PARD3B: variants seen among roughly 807,000 people sequenced by gnomAD.
PARD3B encodes the protein partitioning defective 3 homolog B.
In PARD3B, 103 loss-of-function variants were observed where a neutral mutation model predicts 130.2. The ratio of observed to expected loss-of-function variants is 0.79; its 90% CI spans 0.67 to 0.93. The LOEUF is 0.93. PARD3B is among the 40% of genes least tolerant of loss of function. The pLI is 0.00. For synonymous variants in PARD3B, 583 were observed against 553.2 expected (o/e 1.05, Z -0.76); for missense variants, 1,609 against 1,499.2 (o/e 1.07, Z -1.21).
intron 3 of PARD3B, among the ~76,000 whole-genome samples, chr2:204,979,954 C>A (rs1305405397): frequency 6.6e-6 from 1 of 151,998 alleles, no homozygotes; most frequent in Admixed American, 6.6e-5. Flanking sequence ...AAACAGAACA[C>A]AAAAAGTGAT....
intron 18 of PARD3B, among the ~76,000 whole-genome samples, chr2:205,302,817 G>T (rs1348138917): frequency 6.6e-6 from 1 of 152,010 alleles, no homozygotes; most frequent in South Asian, 2.1e-4. Flanking sequence ...TGAGCAATGG[G>T]GCTTCACACA....
intron 2 of PARD3B, among the ~76,000 whole-genome samples, chr2:204,854,330 G>C (rs1559200666): frequency 1.3e-5 from 2 of 152,092 alleles, no homozygotes; most frequent in Non-Finnish European, 2.9e-5. Context: ...GGATAGGTGA[G>C]GTAGAAGTGA....
intron 4 of PARD3B, among the ~76,000 whole-genome samples, chr2:205,093,805 G>A (rs1463331008): frequency 6.6e-6 from 1 of 152,146 alleles, no homozygotes; most frequent in African/African-American, 2.4e-5. Flanking sequence ...AGAAATGCAT[G>A]GTGGTTTCCT....
intron 10 of PARD3B, among the ~76,000 whole-genome samples, chr2:205,132,816 G>A (rs960995686): frequency 2.0e-5 from 3 of 152,138 alleles, no homozygotes; most frequent in Admixed American, 6.5e-5. Flanking sequence ...AGGGTTGTGT[G>A]AGAATTAACT....
intron 22 of PARD3B, among the ~76,000 whole-genome samples, chr2:205,577,675 T>C (rs2053811514): frequency 6.6e-6 from 1 of 152,174 alleles, no homozygotes; most frequent in Non-Finnish European, 1.5e-5. Flanking sequence ...CTTGGCAATG[T>C]TTTTTTCTTT....
intron 2 of PARD3B, among the ~76,000 whole-genome samples, chr2:204,905,089 T>C (rs1400324946): frequency 2.6e-5 from 4 of 152,172 alleles, no homozygotes; most frequent in Non-Finnish European, 5.9e-5. Flanking sequence ...CTGGGAAAAA[T>C]CACAAACTCT....
chr2:205,431,579 C>T (rs2047337035), intron 19 of PARD3B, among the ~76,000 whole-genome samples: 1 of 152,024 alleles, frequency 6.6e-6, no homozygotes, highest in African/African-American at 2.4e-5. Flanking sequence ...TTGCCATTCT[C>T]CTGCCTCAGC....
intron 2 of PARD3B, among the ~76,000 whole-genome samples, chr2:204,926,671 G>A (rs775016604): frequency 7.2e-5 from 11 of 152,026 alleles, no homozygotes; most frequent in Non-Finnish European, 1.6e-4. Context: ...CAGTTTTGAA[G>A]TTTCCTCAGT....
intron 2 of PARD3B, among the ~76,000 whole-genome samples, chr2:204,844,994 C>T (rs1371769527): frequency 2.0e-5 from 3 of 152,052 alleles, no homozygotes; most frequent in Non-Finnish European, 4.4e-5. Flanking sequence ...AAAAAAGATG[C>T]AGGATTTTCA....
intron 22 of PARD3B, among the ~76,000 whole-genome samples, chr2:205,581,201 T>C (rs1317194772): frequency 1.4e-5 from 2 of 147,096 alleles, no homozygotes; most frequent in Non-Finnish European, 3.0e-5. Flanking sequence ...TATCAACAAA[T>C]AAATGGATAA....
intron 2 of PARD3B, among the ~76,000 whole-genome samples, chr2:204,850,499 T>C (rs2125604735): frequency 6.6e-6 from 1 of 151,994 alleles, no homozygotes; most frequent in South Asian, 2.1e-4. Context: ...TATAGATATA[T>C]GTATATATAT....
intron 21 of PARD3B, among the ~76,000 whole-genome samples, chr2:205,523,231 A>ATG (rs2051167687): frequency 3.5e-5 from 5 of 142,432 alleles, no homozygotes; most frequent in Admixed American, 2.8e-4. Flanking sequence ...GTGTGTATAT[A>ATG]TATATATATA....
chr2:205,272,291 T>C (rs181550338), intron 16 of PARD3B, among the ~76,000 whole-genome samples: 2 of 152,286 alleles, frequency 1.3e-5, no homozygotes, highest in East Asian at 3.9e-4. Context: ...TACCACTTTG[T>C]TATTTATTTT....
intron 6 of PARD3B, among the ~76,000 whole-genome samples, chr2:205,114,742 G>C (rs1388093560): frequency 8.6e-6 from 1 of 116,304 alleles, no homozygotes; most frequent in Non-Finnish European, 1.7e-5. Flanking sequence ...CTGTAATTGC[G>C]AAGTCATCAC....
Position 205,121,307 on chromosome 2 carries a change from TTCCATG to T in PARD3B, c.807-280_807-275del, listed in dbSNP as rs1195376926. ...TTATTTCATCTCTCTGAGCCTCAAC[TTCCATG>T]TCCGTGAAATGAAAGCTATTTATAC... On this transcript the variant is annotated intron_variant, in intron 7 of 22. Transcript: ENST00000406610. This position sits in a 1 kb window ranked among gnomAD's most constrained non-coding sequence, Gnocchi z 5.0. Among the ~76,000 whole-genome samples the T allele has an allele frequency of 6.6e-6, 1 of 152,248 alleles. No homozygotes were observed. Among genetic ancestry groups the T allele is most frequent in the Non-Finnish European group, 1.5e-5 (1 of 68,052 alleles).
At chr2:205,017,567 T>TGGATGGC (rs1263839096) in intron 3 of PARD3B, among the ~76,000 whole-genome samples, 3 of 152,154 alleles carry the variant, frequency 2.0e-5, no homozygotes, top group Non-Finnish European at 4.4e-5. Flanking sequence ...TCTGAGAACA[T>TGGATGGC]CTGCCCAGCC....
chr2:204,649,251 C>A (rs1241920100), intron 1 of PARD3B, among the ~76,000 whole-genome samples: 1 of 150,842 alleles, frequency 6.6e-6, no homozygotes, highest in Non-Finnish European at 1.5e-5. Flanking sequence ...GTGCTTGTAT[C>A]TTTTGTCCAT....
At chr2:205,060,056 G>T (rs1422724903) in intron 4 of PARD3B, among the ~76,000 whole-genome samples, 1 of 152,078 alleles carries the variant, frequency 6.6e-6, no homozygotes, top group Non-Finnish European at 1.5e-5. Flanking sequence ...AAGTAGCAGT[G>T]CTAGGATTCA....
intron 3 of PARD3B, among the ~76,000 whole-genome samples, chr2:204,993,994 C>T (rs1302586137): frequency 2.0e-4 from 31 of 151,488 alleles, no homozygotes; most frequent in Non-Finnish European, 3.7e-4. Flanking sequence ...GTCTTGCTAG[C>T]GGTCTATCAA....
Sources: allele counts gnomAD v4.1 joint callset (sites outside exome capture counted in the v4.1 genomes callset), GRCh38; gene constraint gnomAD v4.1.1; non-coding constraint Gnocchi (gnomAD v3.1); transcripts MANE v1.5; gene names NCBI Gene and HGNC (gene_info 2026-07-23, HGNC 2026-07-21).